CC2D2B: variants seen among roughly 807,000 people sequenced by gnomAD.
CC2D2B encodes the protein coiled-coil and C2 domain containing 2B, also known as protein CC2D2B.
In CC2D2B, 128 loss-of-function variants were observed where a neutral mutation model predicts 161.2. The ratio of observed to expected loss-of-function variants is 0.79; its 90% CI spans 0.69 to 0.92. CC2D2B has a LOEUF of 0.92. CC2D2B is among the 40% of genes least tolerant of loss of function. The probability of loss-of-function intolerance (pLI) is 0.00; values close to 1 mark genes in which losing one functional copy is unlikely to be tolerated. For missense variants in CC2D2B, 1,173 were observed against 1,375.1 expected, an observed-to-expected ratio of 0.85 and a Z score of 2.32; for synonymous variants, 391 against 449.8, an observed-to-expected ratio of 0.87 and a Z score of 1.65.
intron 6 of CC2D2B, among the ~76,000 whole-genome samples, chr10:95,927,613 A>G (rs1397565828): frequency 6.6e-6 from 1 of 152,040 alleles, no homozygotes; most frequent in Non-Finnish European, 1.5e-5. Flanking sequence ...GGTAACGAAA[A>G]TCAAGCAAAG....
chr10:95,985,424 T>C (rs1375647814), intron 19 of CC2D2B, among the ~76,000 whole-genome samples: 1 of 152,228 alleles, frequency 6.6e-6, no homozygotes, highest in Non-Finnish European at 1.5e-5. Flanking sequence ...TATAATTTCT[T>C]ACGCCTGTCT....
At position 95,925,514 on chromosome 10, in the gene CC2D2B, TTAATG is replaced by T. The variant is rs1468396028; in HGVS notation, c.240+672_240+676del. Among the ~76,000 whole-genome samples the T allele has an allele frequency of 2.0e-5, 3 of 152,224 alleles. No homozygotes were observed. The East Asian group carries it at 5.8e-4, about 29-fold the overall frequency. On this transcript the variant is annotated intron_variant, in intron 5 of 34. Transcript: ENST00000646931. ...TTAATCCAACTTACAGATTTTTAATTTAATGTGTAATCAATATTTGAAAATTCAAT... is the reference window on the plus strand; with the variant it reads ...TTAATCCAACTTACAGATTTTTAATTTGTAATCAATATTTGAAAATTCAAT...
intron 24 of CC2D2B, among the ~76,000 whole-genome samples, chr10:95,998,442 C>A (rs1201330387): frequency 6.6e-6 from 1 of 152,142 alleles, no homozygotes; most frequent in Non-Finnish European, 1.5e-5. Context: ...CCCCTGGAAC[C>A]TTGCCAACCA....
intron 15 of CC2D2B, among the ~76,000 whole-genome samples, chr10:95,971,114 T>G (rs1410486643): frequency 6.6e-6 from 1 of 151,622 alleles, no homozygotes; most frequent in Non-Finnish European, 1.5e-5. Flanking sequence ...TTAGACTGGG[T>G]GCAGTGGCTC....
rs557117627 is a variant in CC2D2B at position 95,970,297 on chromosome 10, G to C, written c.1644+1396G>C. Among the ~76,000 whole-genome samples, 11 of 152,248 alleles carry C rather than the reference G, an allele frequency of 7.2e-5. No individual in the cohort carries two copies. The East Asian group carries it at 2.1e-3, about 29-fold the overall frequency. On this transcript the variant is annotated intron_variant, in intron 15 of 34. Coordinates refer to ENST00000646931, the MANE Select transcript of CC2D2B (RefSeq NM_001349008.3). The stretch of plus-strand genomic sequence containing the variant: ...GATCTGCCTGCCTCAGCCTCCCAAA[G>C]TGCTGGGATTGCAGGCATGAACCAA...
chr10:96,019,649 T>C, intron 31 of CC2D2B, 53 bp from the exon 32 acceptor site: 1 of 1,505,192 alleles, frequency 6.6e-7, no homozygotes, highest in Non-Finnish European at 8.8e-7. Flanking sequence ...TTACCAACAA[T>C]GGGCCTTGTG....
intron 15 of CC2D2B, among the ~76,000 whole-genome samples, chr10:95,970,911 T>C (rs2077103659): frequency 6.6e-6 from 1 of 152,186 alleles, no homozygotes; most frequent in Non-Finnish European, 1.5e-5. Flanking sequence ...AGAAAAAATA[T>C]GTGCCTCTTT....
chr10:96,030,475 C>T (rs1439253211), intron 34 of CC2D2B, among the ~76,000 whole-genome samples: 1 of 152,050 alleles, frequency 6.6e-6, no homozygotes, highest in East Asian at 1.9e-4. Flanking sequence ...TGCTAGGGAA[C>T]TCTCTGAGAT....
intron 20 of CC2D2B, among the ~76,000 whole-genome samples, chr10:95,989,735 A>G (rs1001106580): frequency 6.6e-6 from 1 of 152,178 alleles, no homozygotes; most frequent in African/African-American, 2.4e-5. Flanking sequence ...TTGTGTTTAG[A>G]TTTTAACTCC....
chr10:96,003,479 C>T (rs1039861952), intron 24 of CC2D2B, among the ~76,000 whole-genome samples: 3 of 151,828 alleles, frequency 2.0e-5, no homozygotes, highest in African/African-American at 2.4e-5. Context: ...AGTGCAGTGG[C>T]GTGATCTCGA....
At chr10:95,917,116 T>G (rs1239346400) in intron 2 of CC2D2B, among the ~76,000 whole-genome samples, 1 of 152,238 alleles carries the variant, frequency 6.6e-6, no homozygotes, top group African/African-American at 2.4e-5. Flanking sequence ...ATCCTCTTGA[T>G]GAATTGATCC....
At chr10:96,014,389 A>G (rs1753142836) in intron 29 of CC2D2B, among the ~76,000 whole-genome samples, 1 of 152,200 alleles carries the variant, frequency 6.6e-6, no homozygotes, top group Non-Finnish European at 1.5e-5. Context: ...TTCAAATCTA[A>G]CTGGGCATCC....
chr10:96,022,688 G>A (rs575939337), intron 32 of CC2D2B: 11 of 152,292 alleles, frequency 7.2e-5, no homozygotes, highest in Middle Eastern at 3.4e-3. Context: ...TTCCCACTAT[G>A]AGCCAGTGTT....
intron 20 of CC2D2B, among the ~76,000 whole-genome samples, chr10:95,989,669 A>G (rs1009726827): frequency 9.9e-5 from 15 of 152,208 alleles, no homozygotes; most frequent in African/African-American, 3.6e-4. Flanking sequence ...GAGAGCAAGT[A>G]TCTGAGTATG....
At chr10:95,935,123 G>A (rs1352609588) in intron 6 of CC2D2B, among the ~76,000 whole-genome samples, 2 of 152,108 alleles carry the variant, frequency 1.3e-5, no homozygotes, top group Non-Finnish European at 2.9e-5. Flanking sequence ...TGCCCACCTC[G>A]GCCTTCCAAA....
intron 10 of CC2D2B, 130 bp from the exon 11 acceptor site, chr10:95,955,264 G>T: frequency 2.5e-6 from 1 of 392,208 alleles, no homozygotes; most frequent in Non-Finnish European, 4.5e-6. Flanking sequence ...TATTGTGGAA[G>T]ATAAGCCAAT....
chr10:95,930,438 T>C (rs547660595), intron 6 of CC2D2B, among the ~76,000 whole-genome samples: 1 of 152,320 alleles, frequency 6.6e-6, no homozygotes, highest in Admixed American at 6.5e-5. Context: ...CTATGTTGAA[T>C]AGGAGTGGTG....
At chr10:96,025,175 ATATATATAT>A (rs145787751) in intron 33 of CC2D2B, among the ~76,000 whole-genome samples, 21,715 of 52,208 alleles carry the variant, frequency 0.42, 3,534 homozygotes, top group Middle Eastern at 0.51. Context: ...ATATATATAT[ATATATATAT>A]AAAAAAAAAT....
At chr10:95,969,103 T>C (rs770854321) in intron 15 of CC2D2B, among the ~76,000 whole-genome samples, 10 of 151,840 alleles carry the variant, frequency 6.6e-5, no homozygotes, top group Non-Finnish European at 1.2e-4. Flanking sequence ...ATTTGATTTG[T>C]AGTGTTCCAA....
Sources: allele counts gnomAD v4.1 joint callset (sites outside exome capture counted in the v4.1 genomes callset), GRCh38; gene constraint gnomAD v4.1.1; transcripts MANE v1.5; gene names NCBI Gene and HGNC (gene_info 2026-07-23, HGNC 2026-07-21).